Variants in MAST4 observed in about 807,000 individuals in gnomAD.
The protein encoded by MAST4 is microtubule associated serine/threonine kinase family member 4.
In MAST4, 89 loss-of-function variants were observed where a neutral mutation model predicts 162.7. The ratio of observed to expected loss-of-function variants is 0.55; its 90% confidence interval spans 0.46 to 0.65. The LOEUF (loss-of-function observed/expected upper bound fraction) is 0.65. Among genes scored for constraint, MAST4 ranks in the 30% least tolerant of loss-of-function variants. The pLI, the probability that MAST4 is intolerant of heterozygous loss-of-function variation, is 0.00. For synonymous variants in MAST4, 1,479 were observed against 1,361.1 expected (o/e 1.09, Z -1.91); for missense variants, 3,153 against 3,374.0 (o/e 0.93, Z 1.62).
intron 5 of MAST4, among the ~76,000 whole-genome samples, chr5:67,080,597 TCC>T (rs1762487020): frequency 6.6e-6 from 1 of 152,184 alleles, no homozygotes; most frequent in Non-Finnish European, 1.5e-5. Context: ...AAGGCCATGT[TCC>T]TATTATGTAT....
chr5:67,168,551 G>A lies in MAST4; in HGVS notation c.*1500G>A, dbSNP rs544762564. 6.6e-6 allele frequency: 1 copy of A among 152,120 alleles called. No homozygotes were observed. Among genetic ancestry groups the A allele is most frequent in the East Asian group, 1.9e-4 (1 of 5,186 alleles). 9.4% of individuals were successfully genotyped at this position (152,120 alleles called of 1,614,324 possible). A position where few individuals can be genotyped will look rare whatever the true frequency, so the allele number is the denominator to read the frequency against. ...TGCAGTTTCTTTGGTGGCTTGTTTTGTATTGTAAGATGGCACTTGCTGATA... is the reference window on the plus strand; with the variant it reads ...TGCAGTTTCTTTGGTGGCTTGTTTTATATTGTAAGATGGCACTTGCTGATA... On this transcript the variant is annotated 3_prime_UTR_variant, in exon 29 of 29. Transcript: ENST00000403625.
At chr5:67,025,587 G>A (rs1485396968) in intron 4 of MAST4, among the ~76,000 whole-genome samples, 1 of 152,144 alleles carries the variant, frequency 6.6e-6, no homozygotes, top group Non-Finnish European at 1.5e-5. Flanking sequence ...GCTGACCCAG[G>A]TGGCCTCTGG....
intron 1 of MAST4, among the ~76,000 whole-genome samples, chr5:66,629,811 G>A (rs1486947968): frequency 3.2e-4 from 48 of 152,292 alleles, no homozygotes; most frequent in African/African-American, 1.1e-3. Flanking sequence ...TCTATGAGTG[G>A]TTAATCACAT....
chr5:66,702,080 A>G (rs1251347485), intron 1 of MAST4, among the ~76,000 whole-genome samples: 3 of 152,174 alleles, frequency 2.0e-5, no homozygotes, highest in African/African-American at 7.2e-5. Context: ...CCAGGAGCAG[A>G]CTTTGAAGTT....
At chr5:66,684,826 G>C (rs1052726608) in intron 1 of MAST4, among the ~76,000 whole-genome samples, 3 of 152,208 alleles carry the variant, frequency 2.0e-5, no homozygotes, top group African/African-American at 7.2e-5. Context: ...AGAGCCAGCA[G>C]TTGATGGTTA....
At chr5:67,065,349 A>G (rs925195131) in intron 5 of MAST4, among the ~76,000 whole-genome samples, 11 of 152,018 alleles carry the variant, frequency 7.2e-5, no homozygotes, top group Non-Finnish European at 1.3e-4. Flanking sequence ...CTCCTAGCTC[A>G]CTCGTCAGCA....
intron 26 of MAST4, among the ~76,000 whole-genome samples, chr5:67,155,440 C>T (rs938689852): frequency 1.3e-5 from 2 of 152,220 alleles, no homozygotes; most frequent in African/African-American, 2.4e-5. Flanking sequence ...GGTCATTCTT[C>T]ACCCACTAGC....
rs370951672 is a variant in MAST4 at position 67,163,911 on chromosome 5, C to T, written c.4732C>T (p.Pro1578Ser). ...KLEEREKKVY[P>S]KAVERSSTFE... Reference sequence around the variant, plus strand: ...GGAAGAGAGAGAGAAGAAAGTCTATCCGAAGGCTGTGGAAAGGTCAAGTAC... The same window carrying T: ...GGAAGAGAGAGAGAAGAAAGTCTATTCGAAGGCTGTGGAAAGGTCAAGTAC... The change falls in exon 29 of 29, where the codon CCG becomes TCG. Residue 1578 changes from proline to serine, a missense_variant. By Grantham distance (74) the Pro-to-Ser change is moderately conservative (BLOSUM62 -1). Coordinates refer to ENST00000403625, the MANE Select transcript of MAST4 (RefSeq NM_001164664.2). The surrounding 1 kb of genome is among the most constrained non-coding windows in gnomAD (Gnocchi z 7.0). 5.0e-6 allele frequency: 8 copies of T among 1,614,008 alleles called. No individual in the cohort carries two copies. In the South Asian group the frequency reaches 5.5e-5, roughly 11 times the overall value.
At chr5:66,934,214 CTTTATTTTATTTTAT>C (rs541639193) in intron 4 of MAST4, among the ~76,000 whole-genome samples, 4 of 150,032 alleles carry the variant, frequency 2.7e-5, no homozygotes, top group Admixed American at 6.6e-5. Context: ...CAGAGGCTTC[CTTTATTTTATTTTAT>C]TTTATTTTAT....
chr5:66,733,277 C>T (rs1009923779), intron 1 of MAST4, among the ~76,000 whole-genome samples: 3 of 152,086 alleles, frequency 2.0e-5, no homozygotes, highest in African/African-American at 4.8e-5. Flanking sequence ...ATTCCTCTCC[C>T]GCTCCCTCTA....
chr5:66,845,946 C>T (rs1405700077), intron 3 of MAST4, among the ~76,000 whole-genome samples: 1 of 152,110 alleles, frequency 6.6e-6, no homozygotes, highest in Non-Finnish European at 1.5e-5. Context: ...ATAAACATAA[C>T]ATTTATTGAA....
intron 4 of MAST4, among the ~76,000 whole-genome samples, chr5:67,038,241 C>T (rs1199100200): frequency 1.4e-5 from 2 of 144,084 alleles, no homozygotes; most frequent in East Asian, 2.0e-4. Context: ...TTTAGTTTCT[C>T]TTTTTTTTTT....
intron 1 of MAST4, among the ~76,000 whole-genome samples, chr5:66,718,897 G>A (rs964383112): frequency 2.6e-5 from 4 of 152,140 alleles, no homozygotes; most frequent in East Asian, 1.9e-4. Flanking sequence ...ATGACCTGGC[G>A]TCATTCTTAG....
chr5:67,111,984 T>C (rs535224337), intron 11 of MAST4, among the ~76,000 whole-genome samples: 3 of 152,004 alleles, frequency 2.0e-5, no homozygotes, highest in Non-Finnish European at 2.9e-5. Context: ...GTCATTGTAG[T>C]AGGTATGTTT....
chr5:66,930,768 G>T (rs1398738154), intron 4 of MAST4: 1 of 470,852 alleles, frequency 2.1e-6, no homozygotes, highest in South Asian at 1.5e-5. Context: ...TTCTCTGACA[G>T]AACATCGTGG....
chr5:66,758,213 C>CT (rs375199253), intron 1 of MAST4, among the ~76,000 whole-genome samples: 244 of 151,950 alleles, frequency 1.6e-3, no homozygotes, highest in African/African-American at 5.7e-3. Flanking sequence ...CAGAGAAGTG[C>CT]TTGAAATCCA....
At chr5:66,625,202 A>G (rs2149413099) in intron 1 of MAST4, among the ~76,000 whole-genome samples, 1 of 152,246 alleles carries the variant, frequency 6.6e-6, no homozygotes, top group South Asian at 2.1e-4. Flanking sequence ...CAGCAAGATT[A>G]TATTGCATAT....
At chr5:66,653,961 T>C (rs1331902076) in intron 1 of MAST4, among the ~76,000 whole-genome samples, 1 of 152,212 alleles carries the variant, frequency 6.6e-6, no homozygotes, top group Non-Finnish European at 1.5e-5. Flanking sequence ...TGTCCCAGAA[T>C]TCATTGTTCA....
intron 4 of MAST4, among the ~76,000 whole-genome samples, chr5:66,923,981 C>T (rs1340387595): frequency 6.6e-6 from 1 of 152,122 alleles, no homozygotes; most frequent in African/African-American, 2.4e-5. Context: ...TTAGGTGGCC[C>T]CTGGTTTAGT....
Sources: allele counts gnomAD v4.1 joint callset (sites outside exome capture counted in the v4.1 genomes callset), GRCh38; gene constraint gnomAD v4.1.1; non-coding constraint Gnocchi (gnomAD v3.1); transcripts MANE v1.5; gene names NCBI Gene and HGNC (gene_info 2026-07-23, HGNC 2026-07-21).